NLGN1: variants seen among roughly 807,000 people sequenced by gnomAD.
NLGN1 encodes neuroligin 1.
NLGN1 carries 12 observed loss-of-function variants against 65.5 expected under a neutral mutation model. The ratio of observed to expected loss-of-function variants is 0.18; its 90% CI spans 0.12 to 0.30. The LOEUF is 0.30. Ranked by LOEUF, NLGN1 falls within the 10% of genes least tolerant of loss-of-function variation. NLGN1 has a pLI of 1.00. For missense variants in NLGN1, 750 were observed against 1,007.1 expected (o/e 0.74, Z 3.46); for synonymous variants, 350 against 359.5 (o/e 0.97, Z 0.30).
At chr3:173,817,516 G>A (rs1239556244) in intron 4 of NLGN1, among the ~76,000 whole-genome samples, 1 of 152,128 alleles carries the variant, frequency 6.6e-6, no homozygotes, top group Non-Finnish European at 1.5e-5. Context: ...GACTCACTCA[G>A]GTAAGTATAA....
intron 4 of NLGN1, among the ~76,000 whole-genome samples, chr3:174,228,166 C>G (rs1740073719): frequency 6.6e-6 from 1 of 151,888 alleles, no homozygotes; most frequent in Admixed American, 6.6e-5. Context: ...ATAATTGATT[C>G]ATGAAATTAA....
At chr3:174,264,284 ACTT>A (rs1747556524) in intron 4 of NLGN1, among the ~76,000 whole-genome samples, 1 of 150,824 alleles carries the variant, frequency 6.6e-6, no homozygotes, top group Non-Finnish European at 1.5e-5. Context: ...GTGTTTTCCA[ACTT>A]GGTTCCATTC....
rs61676673 is a variant in NLGN1 at position 174,070,626 on chromosome 3, G to A, written c.647-204689G>A. ...ATTACAGGTGTGAGCCACCGCGCCC[G>A]GCCTTATCTCTGACATTTTTAAATG... On this transcript the variant is annotated intron_variant, in intron 4 of 6. Coordinates refer to ENST00000457714, the Ensembl canonical transcript of NLGN1. 5.3e-5 allele frequency among the ~76,000 whole-genome samples: 8 copies of A among 152,070 alleles called. No individual in the cohort carries two copies. In the East Asian group the frequency reaches 5.8e-4, roughly 11 times the overall value.
At chr3:173,625,723 G>A (rs1434955560) in intron 3 of NLGN1, among the ~76,000 whole-genome samples, 4 of 151,950 alleles carry the variant, frequency 2.6e-5, no homozygotes, top group South Asian at 2.1e-4. Context: ...AGGAGTATTC[G>A]GTTAACTTGG....
rs1284296310 is a variant in NLGN1 at position 174,073,201 on chromosome 3, G to A, written c.647-202114G>A. ...AGAAAATCATAGGTTTTTTTTTCAA[G>A]TGAAGAAACAGAATGAAGTCATGCT... On this transcript the variant is annotated intron_variant, in intron 4 of 6. Transcript: ENST00000457714. Among the ~76,000 whole-genome samples the A allele has an allele frequency of 2.0e-5, 3 of 151,348 alleles. No homozygotes were observed. The South Asian group carries it at 6.2e-4, about 32-fold the overall frequency.
intron 4 of NLGN1, among the ~76,000 whole-genome samples, chr3:174,224,258 G>A (rs1217118853): frequency 2.0e-5 from 3 of 152,142 alleles, no homozygotes; most frequent in Admixed American, 6.5e-5. Context: ...ATATCATACA[G>A]AAAATGTTCT....
intron 4 of NLGN1, among the ~76,000 whole-genome samples, chr3:173,889,935 C>G (rs962617596): frequency 1.3e-5 from 2 of 151,844 alleles, no homozygotes; most frequent in Admixed American, 6.6e-5. Flanking sequence ...ATTGTGGGAA[C>G]TGGTAGAGAT....
chr3:173,851,820 C>T (rs529010247), intron 4 of NLGN1, among the ~76,000 whole-genome samples: 90 of 152,092 alleles, frequency 5.9e-4, no homozygotes, highest in Admixed American at 4.6e-3. Context: ...CTGTTTGAGT[C>T]GAAGTCATAA....
At chr3:173,857,879 G>A (rs1203959341) in intron 4 of NLGN1, among the ~76,000 whole-genome samples, 2 of 143,070 alleles carry the variant, frequency 1.4e-5, no homozygotes, top group African/African-American at 5.3e-5. Flanking sequence ...TTCGTAGGAA[G>A]AGAACTATTT....
At chr3:174,001,837 G>A (rs1357588526) in intron 4 of NLGN1, among the ~76,000 whole-genome samples, 2 of 152,042 alleles carry the variant, frequency 1.3e-5, no homozygotes, top group Non-Finnish European at 2.9e-5. Flanking sequence ...GGGGACATTT[G>A]CCAATTTCTG....
At chr3:174,284,951 A>G (rs1751948700) in exon 7 of NLGN1, 1 of 151,388 alleles carries the variant, frequency 6.6e-6, no homozygotes, top group African/African-American at 2.4e-5. Context: ...TATATATAAT[A>G]TTAAAAAGAG....
intron 4 of NLGN1, among the ~76,000 whole-genome samples, chr3:173,824,251 T>G (rs532419489): frequency 1.3e-5 from 2 of 152,248 alleles, no homozygotes; most frequent in South Asian, 4.1e-4. Context: ...TAAAAGCTCA[T>G]TCTTACAGCC....
In NLGN1 at chr3:173,679,507, G is replaced by C. The variant is rs80040500; in HGVS notation, c.493+74416G>C. On this transcript the variant is annotated intron_variant, in intron 3 of 6. Transcript: ENST00000457714. Reference sequence around the variant, plus strand: ...AAAAAGACTGAGAAGCTAGAAAATTGGATAGGTTATCTCCATGTGTTGGAA... The same window carrying C: ...AAAAAGACTGAGAAGCTAGAAAATTCGATAGGTTATCTCCATGTGTTGGAA... Among the ~76,000 whole-genome samples the C allele has an allele frequency of 9.5e-3, 1,451 of 152,138 alleles. 17 individuals are homozygous for C. The highest frequency in any genetic ancestry group is 0.033 in the African/African-American group (1,366 of 41,524).
At chr3:173,552,464 G>A (rs962847504) in intron 2 of NLGN1, among the ~76,000 whole-genome samples, 1 of 152,134 alleles carries the variant, frequency 6.6e-6, no homozygotes, top group Non-Finnish European at 1.5e-5. Context: ...GCATTAAGTG[G>A]CATTGTTGCA....
chr3:173,687,796 G>A (rs1466299628), intron 3 of NLGN1, among the ~76,000 whole-genome samples: 1 of 152,162 alleles, frequency 6.6e-6, no homozygotes, highest in African/African-American at 2.4e-5. Context: ...ATGCAGAACA[G>A]CTAGCAAGTA....
chr3:173,815,979 AATTAT>A (rs927694024), intron 4 of NLGN1, among the ~76,000 whole-genome samples: 21 of 83,014 alleles, frequency 2.5e-4, no homozygotes, highest in African/African-American at 5.4e-4. Flanking sequence ...AAAATCCTTA[AATTAT>A]ATTATAATAA....
intron 3 of NLGN1, among the ~76,000 whole-genome samples, chr3:173,621,224 A>G (rs1753937791): frequency 6.6e-6 from 1 of 152,132 alleles, no homozygotes; most frequent in Non-Finnish European, 1.5e-5. Context: ...GCTCTTCATA[A>G]AAATGTAAGA....
intron 2 of NLGN1, among the ~76,000 whole-genome samples, chr3:173,462,536 A>G (rs535684019): frequency 2.3e-4 from 35 of 152,150 alleles, no homozygotes; most frequent in South Asian, 2.3e-3. Flanking sequence ...TCTTCATTTC[A>G]TTAGAAAGTC....
intron 4 of NLGN1, among the ~76,000 whole-genome samples, chr3:173,994,183 C>T (rs1014649809): frequency 1.3e-5 from 2 of 152,062 alleles, no homozygotes; most frequent in African/African-American, 4.8e-5. Flanking sequence ...TCACAACTCA[C>T]TGCAGCCTTG....
Sources: allele counts gnomAD v4.1 joint callset (sites outside exome capture counted in the v4.1 genomes callset), GRCh38; gene constraint gnomAD v4.1.1; transcripts MANE v1.5; gene names NCBI Gene and HGNC (gene_info 2026-07-23, HGNC 2026-07-21).